PCDH15: variants seen among roughly 807,000 people sequenced by gnomAD.
PCDH15 encodes the protein protocadherin related 15.
In PCDH15, 129 loss-of-function variants were observed where a neutral mutation model predicts 178.5. The ratio of observed to expected loss-of-function variants is 0.72; its 90% CI spans 0.63 to 0.84. The LOEUF is 0.84. PCDH15 is among the 40% of genes least tolerant of loss of function. The probability of loss-of-function intolerance (pLI) is 0.00; values close to 1 mark genes in which losing one functional copy is unlikely to be tolerated. For synonymous variants in PCDH15, 800 were observed against 732.0 expected (o/e 1.09, Z -1.50); for missense variants, 2,230 against 2,099.9 (o/e 1.06, Z -1.21).
At chr10:55,115,824 G>C (rs1837617171) in intron 2 of PCDH15, among the ~76,000 whole-genome samples, 2 of 152,168 alleles carry the variant, frequency 1.3e-5, no homozygotes, top group African/African-American at 2.4e-5. Context: ...AGGGTTGTGA[G>C]AATTAAAAGA....
chr10:55,092,833 A>G (rs1842349990), intron 2 of PCDH15, among the ~76,000 whole-genome samples: 3 of 152,024 alleles, frequency 2.0e-5, no homozygotes, highest in South Asian at 2.1e-4. Flanking sequence ...AGACTCACAT[A>G]TTAAAACAAC....
intron 27 of PCDH15, among the ~76,000 whole-genome samples, chr10:53,857,563 G>A (rs1419066796): frequency 7.5e-6 from 1 of 132,532 alleles, no homozygotes; most frequent in Non-Finnish European, 1.5e-5. Flanking sequence ...AGACATGAAG[G>A]GTGGCATTTT....
chr10:54,861,456 T>G (rs942200258), intron 3 of PCDH15, among the ~76,000 whole-genome samples: 3 of 152,102 alleles, frequency 2.0e-5, no homozygotes, highest in African/African-American at 7.2e-5. Context: ...TAGTGAGTAG[T>G]AAAATTAAAT....
intron 3 of PCDH15, among the ~76,000 whole-genome samples, chr10:54,443,260 A>G (rs574386729): frequency 4.6e-5 from 7 of 151,710 alleles, no homozygotes; most frequent in Admixed American, 6.6e-5. Flanking sequence ...ATCTTTTTAC[A>G]TGAAATACAT....
chr10:54,796,492 A>T (rs1403109420), intron 1 of PCDH15, among the ~76,000 whole-genome samples: 1 of 151,026 alleles, frequency 6.6e-6, no homozygotes, highest in Non-Finnish European at 1.5e-5. Flanking sequence ...TCTTTCTGGC[A>T]ATCTGTCTAT....
chr10:54,318,705 G>T (rs548160287), intron 7 of PCDH15, among the ~76,000 whole-genome samples: 1 of 152,262 alleles, frequency 6.6e-6, no homozygotes, highest in African/African-American at 2.4e-5. Flanking sequence ...TTTGCAGAAT[G>T]TCCCTTAATG....
chr10:55,024,629 T>G (rs1315004453), intron 2 of PCDH15, among the ~76,000 whole-genome samples: 1 of 152,120 alleles, frequency 6.6e-6, no homozygotes, highest in East Asian at 1.9e-4. Context: ...TCTTCCTCTA[T>G]GTACCCCATC....
chr10:54,323,358 A>T (rs2061727285), intron 7 of PCDH15, among the ~76,000 whole-genome samples: 1 of 152,186 alleles, frequency 6.6e-6, no homozygotes, highest in South Asian at 2.1e-4. Context: ...CAACCCCATT[A>T]CTGGGTATAT....
At chr10:54,815,738 A>G (rs947254752) in intron 3 of PCDH15, among the ~76,000 whole-genome samples, 3 of 152,104 alleles carry the variant, frequency 2.0e-5, no homozygotes, top group African/African-American at 4.8e-5. Flanking sequence ...GAATTGCTTA[A>G]TATATGCTAT....
rs1033368868 is a variant in PCDH15, at chr10:54,917,931, G to A, written c.-79-20431C>T. Reference sequence around the variant, plus strand: ...ATTATCTCAGTACACATTTCTATGAGGTCAGTTACATATGTATGACTTTTT... The same window carrying A: ...ATTATCTCAGTACACATTTCTATGAAGTCAGTTACATATGTATGACTTTTT... On this transcript the variant is annotated intron_variant, in intron 2 of 5. Transcript: ENST00000458638. Among the ~76,000 whole-genome samples, 17 of 150,104 alleles carry A rather than the reference G, an allele frequency of 1.1e-4. No individual in the cohort carries two copies. In the South Asian group the frequency reaches 3.0e-3, roughly 26 times the overall value.
intron 3 of PCDH15, among the ~76,000 whole-genome samples, chr10:54,475,996 CATATATGCATAT>C (rs2078247958): frequency 7.2e-6 from 1 of 138,486 alleles, no homozygotes; most frequent in Admixed American, 7.2e-5. Context: ...GATATATATA[CATATATGCATAT>C]ATATATGCAT....
At chr10:54,637,296 T>A (rs1362604407) in intron 2 of PCDH15, among the ~76,000 whole-genome samples, 1 of 151,962 alleles carries the variant, frequency 6.6e-6, no homozygotes, top group African/African-American at 2.4e-5. Flanking sequence ...TTTCTATCAC[T>A]ATGGTAACAA....
chr10:54,479,442 T>C (rs2136888873), intron 3 of PCDH15, among the ~76,000 whole-genome samples: 1 of 152,178 alleles, frequency 6.6e-6, no homozygotes, highest in South Asian at 2.1e-4. Context: ...CTTTACTAAT[T>C]ATCTAATTTA....
intron 2 of PCDH15, among the ~76,000 whole-genome samples, chr10:55,626,662 A>C (rs1837536191): frequency 6.6e-6 from 1 of 152,226 alleles, no homozygotes; most frequent in Admixed American, 6.5e-5. Flanking sequence ...TTTGCCAAAA[A>C]TCAAGGGCCT....
chr10:54,256,734 T>G (rs374124973), intron 8 of PCDH15, among the ~76,000 whole-genome samples: 1 of 152,140 alleles, frequency 6.6e-6, no homozygotes, highest in East Asian at 1.9e-4. Context: ...AAAACTTTCC[T>G]TTTCCAGGTT....
intron 1 of PCDH15, among the ~76,000 whole-genome samples, chr10:55,260,682 G>A (rs1202532700): frequency 6.6e-6 from 1 of 152,094 alleles, no homozygotes; most frequent in Non-Finnish European, 1.5e-5. Context: ...TAATATTACA[G>A]GATGTTAAAG....
At chr10:54,381,686 G>A (rs927482629) in intron 3 of PCDH15, among the ~76,000 whole-genome samples, 3 of 152,002 alleles carry the variant, frequency 2.0e-5, no homozygotes, top group African/African-American at 7.2e-5. Context: ...ATAATAAAGG[G>A]ATCAACAGGA....
intron 18 of PCDH15, among the ~76,000 whole-genome samples, chr10:54,053,088 A>T (rs930218237): frequency 1.3e-5 from 2 of 152,184 alleles, no homozygotes; most frequent in African/African-American, 4.8e-5. Flanking sequence ...GTGTGTCTTT[A>T]TTAGCAGTGT....
intron 18 of PCDH15, among the ~76,000 whole-genome samples, chr10:54,025,614 T>C (rs2093060290): frequency 6.6e-6 from 1 of 151,812 alleles, no homozygotes; most frequent in Admixed American, 6.6e-5. Flanking sequence ...TTCTCCTGCC[T>C]CAGCCTCCTG....
Sources: allele counts gnomAD v4.1 joint callset (sites outside exome capture counted in the v4.1 genomes callset), GRCh38; gene constraint gnomAD v4.1.1; transcripts MANE v1.5; gene names NCBI Gene and HGNC (gene_info 2026-07-23, HGNC 2026-07-21).